C16orf96: variants seen among roughly 807,000 people sequenced by gnomAD.
C16orf96 encodes uncharacterized protein C16orf96.
A neutral mutation model predicts 103.6 loss-of-function variants in C16orf96; 108 were observed. That is an observed-to-expected ratio of 1.04 (90% CI 0.89 to 1.22). The LOEUF is 1.22. Ranked by LOEUF, C16orf96 falls within the 50% of genes most tolerant of loss-of-function variation. The pLI, the probability that C16orf96 is intolerant of heterozygous loss-of-function variation, is 0.00. For synonymous variants in C16orf96, 566 were observed against 593.5 expected, an observed-to-expected ratio of 0.95 and a Z score of 0.67; for missense variants, 1,586 against 1,464.2, an observed-to-expected ratio of 1.08 and a Z score of -1.36.
chr16:4,588,047 C>T (rs1896970004), intron 8 of C16orf96, 120 bp from the exon 9 acceptor site: 5 of 1,030,354 alleles, frequency 4.9e-6, no homozygotes, highest in Admixed American at 2.9e-5. Context: ...TGCATTTAAG[C>T]CAAGGCTAAA....
At chr16:4,579,806 T>A (rs1014338777) in intron 6 of C16orf96, among the ~76,000 whole-genome samples, 1 of 152,120 alleles carries the variant, frequency 6.6e-6, no homozygotes, top group Non-Finnish European at 1.5e-5. Flanking sequence ...GAGACTGGTT[T>A]CGCCGTGTTG....
rs1567134719 is a variant in C16orf96 at position 4,594,723 on chromosome 16, G to T, written c.3047G>T (p.Gly1016Val). 1 of 1,551,328 alleles carries T rather than the reference G, an allele frequency of 6.4e-7. No individual in the cohort carries two copies. Among genetic ancestry groups the T allele is most frequent in the East Asian group, 2.4e-5 (1 of 40,902 alleles). ...CAACAGGCCGAGGTGGACATCCTGGGCGTGGATGGGATCCTGTACAAAGGC... is the reference window on the plus strand; with the variant it reads ...CAACAGGCCGAGGTGGACATCCTGGTCGTGGATGGGATCCTGTACAAAGGC... The part of the protein sequence containing the change: ...DYDSAEVDIL[G>V]VDGILYKGRV... Residue 1016 changes from glycine to valine, a missense_variant, in exon 14 of 16, where the codon GGC becomes GTC. Coordinates refer to ENST00000444310, the MANE Select transcript of C16orf96 (RefSeq NM_001145011.2).
intron 1 of C16orf96, among the ~76,000 whole-genome samples, chr16:4,569,413 C>T (rs1364771808): frequency 6.6e-6 from 1 of 152,070 alleles, no homozygotes; most frequent in East Asian, 1.9e-4. Flanking sequence ...TTTTCTCTTC[C>T]TTTCTCCTTC....
chr16:4,557,770 A>T (rs1362624431), intron 1 of C16orf96, among the ~76,000 whole-genome samples: 2 of 152,064 alleles, frequency 1.3e-5, no homozygotes, highest in Admixed American at 1.3e-4. Flanking sequence ...CCCAGACTCA[A>T]GCAATCCTCC....
chr16:4,541,275 A>G, the C16orf96 span, among the ~76,000 whole-genome samples: 8 of 152,206 alleles, frequency 5.3e-5, no homozygotes, highest in Admixed American at 3.9e-4. Flanking sequence ...GTTACAGTCA[A>G]TCTTCATTAT....
At chr16:4,544,249 T>G in the C16orf96 span, among the ~76,000 whole-genome samples, 1 of 152,174 alleles carries the variant, frequency 6.6e-6, no homozygotes, top group Admixed American at 6.5e-5. Context: ...GAACCAGAAA[T>G]GTAGTGAGCT....
intron 7 of C16orf96, among the ~76,000 whole-genome samples, chr16:4,582,905 G>C (rs1312624751): frequency 1.3e-5 from 2 of 152,138 alleles, no homozygotes; most frequent in Non-Finnish European, 2.9e-5. Flanking sequence ...CTTGTCCCAG[G>C]ACCGTTGTCC....
At chr16:4,566,043 G>A (rs1354942431) in intron 1 of C16orf96, among the ~76,000 whole-genome samples, 1 of 152,054 alleles carries the variant, frequency 6.6e-6, no homozygotes, top group Non-Finnish European at 1.5e-5. Context: ...TGGTCTTGCT[G>A]TGTTAACAGC....
the C16orf96 span, among the ~76,000 whole-genome samples, chr16:4,542,614 T>C: frequency 6.6e-6 from 1 of 151,820 alleles, no homozygotes; most frequent in Non-Finnish European, 1.5e-5. Flanking sequence ...CTGGCCAATA[T>C]AGTGAAACCC....
the C16orf96 span, among the ~76,000 whole-genome samples, chr16:4,546,186 T>C: frequency 6.8e-6 from 1 of 146,046 alleles, no homozygotes; most frequent in African/African-American, 2.5e-5. Context: ...TGAGACGGAG[T>C]CTGGCTCTGT....
At chr16:4,564,297 C>T (rs747991564) in intron 1 of C16orf96, among the ~76,000 whole-genome samples, 35 of 152,162 alleles carry the variant, frequency 2.3e-4, no homozygotes, top group Non-Finnish European at 2.8e-4. Flanking sequence ...TGGCCATTGT[C>T]AGACTTGGTT....
At chr16:4,576,670 G>C in intron 5 of C16orf96, 35 bp downstream of exon 5, 3 of 1,514,570 alleles carry the variant, frequency 2.0e-6, no homozygotes, top group South Asian at 2.6e-5. Flanking sequence ...GGGCACAAGG[G>C]AGTGGGGCTC....
intron 5 of C16orf96, 93 bp downstream of exon 5, chr16:4,576,728 C>T (rs2059515199): frequency 8.1e-7 from 1 of 1,232,916 alleles, no homozygotes; most frequent in Admixed American, 2.8e-5. Context: ...TGGGCTCCAC[C>T]AACAAAATCT....
rs181999981 is a variant in C16orf96, at chr16:4,588,343, C to T, written c.2592+12C>T. The T allele has an allele frequency of 6.9e-4, 1,061 of 1,540,448 alleles. 7 individuals are homozygous for T. Among genetic ancestry groups the T allele is most frequent in the Non-Finnish European group, 2.3e-4 (262 of 1,138,206 alleles). ...ACGTGAACACCAAGGTGAATGCCCC[C>T]ATGTTGATTTTCACTTTATTCCTAA... On this transcript the variant is annotated intron_variant, in intron 9 of 15. Transcript: ENST00000444310.
the C16orf96 span, among the ~76,000 whole-genome samples, chr16:4,548,734 G>T: frequency 6.6e-6 from 1 of 152,092 alleles, no homozygotes; most frequent in Non-Finnish European, 1.5e-5. Context: ...TTAGTCAGGC[G>T]TGGTGGTGCA....
intron 9 of C16orf96, among the ~76,000 whole-genome samples, 193 bp from the exon 10 acceptor site, chr16:4,591,473 C>T (rs1371261471): frequency 6.6e-6 from 1 of 152,106 alleles, no homozygotes; most frequent in Non-Finnish European, 1.5e-5. Context: ...CAGCTCCCCT[C>T]TACCAATAGC....
chr16:4,544,996 C>G, the C16orf96 span, among the ~76,000 whole-genome samples: 1 of 152,160 alleles, frequency 6.6e-6, no homozygotes, highest in African/African-American at 2.4e-5. Context: ...GCATAAAAAC[C>G]TATAGTACAC....
the C16orf96 span, among the ~76,000 whole-genome samples, chr16:4,546,504 C>T: frequency 2.2e-5 from 3 of 136,774 alleles, no homozygotes; most frequent in Non-Finnish European, 4.6e-5. Flanking sequence ...CACTGTGTTG[C>T]ACAGGCTGGA....
chr16:4,589,236 A>G (rs1438655064), intron 9 of C16orf96, among the ~76,000 whole-genome samples: 1 of 152,098 alleles, frequency 6.6e-6, no homozygotes, highest in Non-Finnish European at 1.5e-5. Context: ...CAGCTTGTGT[A>G]ACCTACAGGA....
Sources: allele counts gnomAD v4.1 joint callset (sites outside exome capture counted in the v4.1 genomes callset), GRCh38; gene constraint gnomAD v4.1.1; transcripts MANE v1.5; gene names NCBI Gene and HGNC (gene_info 2026-07-23, HGNC 2026-07-21).